The following GABRB2 variants were observed in gnomAD, a reference collection of about 807,000 sequenced individuals.
GABRB2 encodes the protein gamma-aminobutyric acid type A receptor subunit beta2.
In GABRB2, 16 loss-of-function variants were observed where a neutral mutation model predicts 54.7. The observed-to-expected ratio is 0.29, with a 90% confidence interval of 0.20 to 0.44. The LOEUF (loss-of-function observed/expected upper bound fraction) is 0.44. Among genes scored for constraint, GABRB2 ranks in the 20% least tolerant of loss-of-function variants. GABRB2 has a pLI of 1.00. For synonymous variants in GABRB2, 244 were observed against 233.8 expected (o/e 1.04, Z -0.40); for missense variants, 355 against 644.0 (o/e 0.55, Z 4.86).
intron 5 of GABRB2, among the ~76,000 whole-genome samples, chr5:161,348,434 A>G (rs1455137694): frequency 6.6e-6 from 1 of 152,054 alleles, no homozygotes; most frequent in Non-Finnish European, 1.5e-5. Flanking sequence ...TTGCTTCTAC[A>G]TTTATTTTCG....
At chr5:161,428,131 C>T (rs1757059025) in intron 4 of GABRB2, among the ~76,000 whole-genome samples, 1 of 152,106 alleles carries the variant, frequency 6.6e-6, no homozygotes. Context: ...GAGAGAAACA[C>T]AATGCATTAG....
In GABRB2 at chr5:161,419,435, C is replaced by A. The variant is rs766289748; in HGVS notation, c.459-8378G>T. Among the ~76,000 whole-genome samples the A allele has an allele frequency of 2.0e-5, 3 of 152,242 alleles. 1 individual carries two copies. Among genetic ancestry groups the A allele is most frequent in the Middle Eastern group, 6.8e-3 (2 of 294 alleles). ...AAGAACTAAAAATAGAGCTACCAAC[C>A]AACCAAGCAATCCAACTACTGGGTA... On this transcript the variant is annotated intron_variant, in intron 4 of 9. Transcript: ENST00000393959.
Position 161,336,756 on chromosome 5 carries a change from A to T in GABRB2, c.555T>A (p.Thr185=). The T allele has an allele frequency of 6.2e-7, 1 of 1,611,178 alleles. No individual in the cohort carries two copies. Among genetic ancestry groups the T allele is most frequent in the Non-Finnish European group, 8.5e-7 (1 of 1,178,874 alleles). ...TLEIESYGYT[T]DDIEFYWRGD... ...CACGCCAGTAAAACTCAATGTCATC[A>T]GTTGTGTATCCATCTGTGAAAGGAA... Residue 185 remains threonine (T), a synonymous_variant, in exon 6 of 10, where the codon ACT becomes ACA. Transcript: ENST00000393959.
chr5:161,514,765 A>C (rs1379915906), intron 3 of GABRB2, among the ~76,000 whole-genome samples: 1 of 152,206 alleles, frequency 6.6e-6, no homozygotes, highest in Non-Finnish European at 1.5e-5. Context: ...TAATGTCTAC[A>C]TACCACTCGA....
intron 3 of GABRB2, among the ~76,000 whole-genome samples, chr5:161,463,142 G>C (rs763861944): frequency 6.6e-6 from 1 of 151,692 alleles, no homozygotes; most frequent in Non-Finnish European, 1.5e-5. Context: ...TTTCTTCCAC[G>C]AATTACAACT....
At chr5:161,304,312 G>T (rs899834674) in intron 9 of GABRB2, among the ~76,000 whole-genome samples, 7 of 152,148 alleles carry the variant, frequency 4.6e-5, no homozygotes, top group African/African-American at 1.4e-4. Context: ...TTAAAAATTT[G>T]CCTTCCACTT....
chr5:161,366,965 A>G (rs1044257584), intron 5 of GABRB2, among the ~76,000 whole-genome samples: 1 of 152,206 alleles, frequency 6.6e-6, no homozygotes, highest in African/African-American at 2.4e-5. Context: ...AAAGAAAAGA[A>G]AAGACAAATC....
At chr5:161,359,137 C>CA (rs1276436917) in intron 5 of GABRB2, among the ~76,000 whole-genome samples, 10 of 151,848 alleles carry the variant, frequency 6.6e-5, no homozygotes, top group African/African-American at 2.2e-4. Context: ...GGGGAAAAAA[C>CA]AAAAAACCCC....
chr5:161,450,093 C>G (rs150508765), intron 4 of GABRB2, among the ~76,000 whole-genome samples: 50 of 152,272 alleles, frequency 3.3e-4, no homozygotes, highest in African/African-American at 1.2e-3. Context: ...TTCAGGCCTG[C>G]AATATAAAAT....
chr5:161,309,579 T>A (rs558978448), intron 9 of GABRB2, among the ~76,000 whole-genome samples: 1 of 152,220 alleles, frequency 6.6e-6, no homozygotes, highest in African/African-American at 2.4e-5. Context: ...GTAGCACTAT[T>A]CACAATAGCA....
intron 5 of GABRB2, among the ~76,000 whole-genome samples, chr5:161,374,110 A>G (rs1483725844): frequency 6.6e-6 from 1 of 151,716 alleles, no homozygotes; most frequent in Non-Finnish European, 1.5e-5. Context: ...ATGCCCTGCT[A>G]ATTTTGTATT....
chr5:161,495,239 C>T (rs1309487213), intron 3 of GABRB2, among the ~76,000 whole-genome samples: 3 of 151,792 alleles, frequency 2.0e-5, no homozygotes, highest in Admixed American at 6.6e-5. Flanking sequence ...TGAATAAGTC[C>T]TACCTTAATA....
chr5:161,435,619 G>A (rs921222805), intron 4 of GABRB2, among the ~76,000 whole-genome samples: 1 of 152,198 alleles, frequency 6.6e-6, no homozygotes, highest in African/African-American at 2.4e-5. Flanking sequence ...AAGGAAGTGA[G>A]AGGGAAGAGG....
chr5:161,427,726 A>C (rs1333044622), intron 4 of GABRB2, among the ~76,000 whole-genome samples: 7 of 152,232 alleles, frequency 4.6e-5, no homozygotes, highest in Admixed American at 3.3e-4. Flanking sequence ...AGTATTTCAA[A>C]GCATGTTTAA....
chr5:161,547,389 A>C (rs1761020499), upstream of GABRB2, among the ~76,000 whole-genome samples: 4 of 152,214 alleles, frequency 2.6e-5, no homozygotes, highest in South Asian at 8.3e-4. Context: ...GAGAAAGAAA[A>C]GAATAAAATA....
At chr5:161,390,736 T>G (rs1755794898) in intron 5 of GABRB2, among the ~76,000 whole-genome samples, 1 of 152,104 alleles carries the variant, frequency 6.6e-6, no homozygotes, top group African/African-American at 2.4e-5. Flanking sequence ...AGCTAACACT[T>G]CTTATAAGTC....
chr5:161,359,144 C>A (rs531333288), intron 5 of GABRB2, among the ~76,000 whole-genome samples: 39 of 152,142 alleles, frequency 2.6e-4, no homozygotes, highest in Non-Finnish European at 4.6e-4. Context: ...AAACAAAAAA[C>A]CCCTAACTCA....
intron 4 of GABRB2, among the ~76,000 whole-genome samples, chr5:161,411,822 A>T (rs967935850): frequency 3.9e-5 from 6 of 152,074 alleles, no homozygotes; most frequent in African/African-American, 1.4e-4. Flanking sequence ...GTTTATATAT[A>T]TATATATATG....
chr5:161,309,716 C>T (rs1185067771), intron 9 of GABRB2, among the ~76,000 whole-genome samples: 4 of 151,612 alleles, frequency 2.6e-5, no homozygotes, highest in South Asian at 2.1e-4. Context: ...CTGCAAGCTC[C>T]GCCTCCCAGG....
Sources: allele counts gnomAD v4.1 joint callset (sites outside exome capture counted in the v4.1 genomes callset), GRCh38; gene constraint gnomAD v4.1.1; transcripts MANE v1.5; gene names NCBI Gene and HGNC (gene_info 2026-07-23, HGNC 2026-07-21).